NAV2: variants seen among roughly 807,000 people sequenced by gnomAD.
The protein encoded by NAV2 is helicase, APC down-regulated 1.
NAV2 carries 54 observed loss-of-function variants against 223.2 expected under a neutral mutation model. The observed-to-expected ratio is 0.24, with a 90% CI of 0.19 to 0.30. The LOEUF (loss-of-function observed/expected upper bound fraction) is 0.30, where lower values mean the gene tolerates loss of function less well. NAV2 is among the 10% of genes least tolerant of loss of function. NAV2 has a pLI of 1.00. For synonymous variants in NAV2, 1,279 were observed against 1,239.3 expected, an observed-to-expected ratio of 1.03 and a Z score of -0.67; for missense variants, 2,806 against 3,147.5, an observed-to-expected ratio of 0.89 and a Z score of 2.60.
intron 1 of NAV2, among the ~76,000 whole-genome samples, chr11:19,530,344 T>C (rs12278581): frequency 0.024 from 3,708 of 152,322 alleles, 156 homozygotes; most frequent in African/African-American, 0.084. Context: ...AGGCAGGGAC[T>C]GAGCTCTGTC....
chr11:19,767,789 A>C (rs145204093), intron 1 of NAV2, among the ~76,000 whole-genome samples: 64 of 152,358 alleles, frequency 4.2e-4, no homozygotes, highest in African/African-American at 1.4e-3. Context: ...ACTTGAATTC[A>C]AGCAGCTTGT....
At chr11:19,901,024 T>A (rs928170879) in intron 6 of NAV2, among the ~76,000 whole-genome samples, 3 of 152,198 alleles carry the variant, frequency 2.0e-5, no homozygotes, top group Admixed American at 6.5e-5. Flanking sequence ...TTTTGCATAA[T>A]CCAATTAAAA....
chr11:19,602,216 TGCCCAG>T (rs1198443601), intron 1 of NAV2, among the ~76,000 whole-genome samples: 5 of 150,390 alleles, frequency 3.3e-5, no homozygotes, highest in Admixed American at 6.6e-5. Context: ...CTCGCTCTGT[TGCCCAG>T]GCTGGAATGC....
rs2045847936 is a variant in NAV2, at chr11:19,585,015, A to C, written c.75+233988A>C. Among the ~76,000 whole-genome samples, 3 of 152,104 alleles carry C rather than the reference A, an allele frequency of 2.0e-5. No homozygotes were observed. In the South Asian group the frequency reaches 6.2e-4, roughly 32 times the overall value. ...CCCATTATTATTGTGTGGGAGTCTA[A>C]GTCTCTTTGTAGGTCTCTAAGGACT... On this transcript the variant is annotated intron_variant, in intron 1 of 37. Coordinates refer to the NAV2 transcript ENST00000360655.
rs77270921 is a variant in NAV2 at position 19,891,406 on chromosome 11, A to G, written c.771-1028A>G. 5.5e-4 allele frequency among the ~76,000 whole-genome samples: 84 copies of G among 152,308 alleles called. 1 individual carries two copies. The highest frequency in any genetic ancestry group is 5.2e-3 in the South Asian group (25 of 4,816). ...CCTGGACCAAAATCCTGATTTGAGG[A>G]GTCTTACCATTAACTCTTTGGTGAA... On this transcript the variant is annotated intron_variant, in intron 5 of 37. Transcript: ENST00000349880.
intron 26 of NAV2, 30 bp from the exon 27 acceptor site, chr11:20,090,835 C>T (rs778442335): frequency 6.2e-6 from 10 of 1,609,826 alleles, no homozygotes; most frequent in Non-Finnish European, 8.5e-6. Context: ...AAAGGAGCTG[C>T]TTTCATCAGT....
At chr11:19,646,908 C>T (rs1165194897) in intron 1 of NAV2, among the ~76,000 whole-genome samples, 4 of 152,174 alleles carry the variant, frequency 2.6e-5, no homozygotes, top group African/African-American at 9.7e-5. Flanking sequence ...ACCCATCTCT[C>T]TTCAGGCACT....
At chr11:19,638,935 G>A (rs935566873) in intron 1 of NAV2, among the ~76,000 whole-genome samples, 4 of 152,232 alleles carry the variant, frequency 2.6e-5, no homozygotes, top group African/African-American at 7.2e-5. Context: ...AGAGGTTGCG[G>A]TGAGCTGAGA....
At chr11:19,714,352 A>G in intron 1 of NAV2, 1 of 484,106 alleles carries the variant, frequency 2.1e-6, no homozygotes, top group South Asian at 1.5e-5. Context: ...GCGGTTCCGC[A>G]GAGATTCTGT....
intron 24 of NAV2, among the ~76,000 whole-genome samples, chr11:20,078,717 G>A (rs562795291): frequency 3.3e-5 from 5 of 152,242 alleles, no homozygotes; most frequent in African/African-American, 9.6e-5. Flanking sequence ...CTCGGCCTCC[G>A]AAAGTGCTAG....
chr11:20,096,430 A>G (rs1350830543), intron 30 of NAV2, among the ~76,000 whole-genome samples: 2 of 152,220 alleles, frequency 1.3e-5, no homozygotes, highest in Non-Finnish European at 2.9e-5. Context: ...AACAACTATA[A>G]GGGCTCATTA....
chr11:19,519,319 C>A (rs1256222927), intron 1 of NAV2, among the ~76,000 whole-genome samples: 1 of 152,110 alleles, frequency 6.6e-6, no homozygotes, highest in African/African-American at 2.4e-5. Context: ...TGCCTTCATG[C>A]AGCATGGGCT....
At chr11:19,786,584 A>T (rs909410481) in intron 1 of NAV2, among the ~76,000 whole-genome samples, 1 of 152,146 alleles carries the variant, frequency 6.6e-6, no homozygotes, top group African/African-American at 2.4e-5. Context: ...ACCCCATAAG[A>T]GTACTGATTT....
rs2058342551 is a variant in NAV2, at chr11:20,056,007, T to A, written c.4831+50T>A. The A allele has an allele frequency of 1.9e-6, 3 of 1,547,252 alleles. No homozygotes were observed. The African/African-American group carries it at 4.1e-5, about 21-fold the overall frequency. The stretch of plus-strand genomic sequence containing the variant: ...AGGAAGGAAACTTCCATCTCCCAGG[T>A]TACTCAGTGTAGTTAAGGGTCCTCT... On this transcript the variant is annotated intron_variant, in intron 19 of 37. Coordinates refer to ENST00000349880, the MANE Select transcript of NAV2 (RefSeq NM_145117.5).
At chr11:19,973,769 G>A (rs975603644) in intron 10 of NAV2, among the ~76,000 whole-genome samples, 2 of 152,208 alleles carry the variant, frequency 1.3e-5, no homozygotes, top group Non-Finnish European at 2.9e-5. Context: ...TGACAACGTA[G>A]AAGGCTTTTC....
chr11:19,617,284 G>T (rs1264411597), intron 1 of NAV2, among the ~76,000 whole-genome samples: 1 of 152,174 alleles, frequency 6.6e-6, no homozygotes, highest in Non-Finnish European at 1.5e-5. Flanking sequence ...CCCTAGTTAG[G>T]TGGGTGTTAG....
rs775190074 is a variant in NAV2, at chr11:19,934,257, G to A, written c.2013G>A (p.Thr671=). 2.8e-5 allele frequency: 45 copies of A among 1,600,492 alleles called. 1 individual carries two copies. Among genetic ancestry groups the A allele is most frequent in the South Asian group, 6.8e-5 (6 of 88,712 alleles). The stretch of plus-strand genomic sequence containing the variant: ...AATACAACCATCCCAACACTGCCAC[G>A]GTTGCACCTTTCCTGTACAGGTAGG... The part of the protein sequence containing the change: ...QQQYNHPNTA[T]VAPFLYRSQT... The change falls in exon 7 of 38, where the codon ACG becomes ACA. Residue 671 remains threonine, a synonymous_variant. Coordinates refer to ENST00000349880, the MANE Select transcript of NAV2 (RefSeq NM_145117.5).
intron 1 of NAV2, among the ~76,000 whole-genome samples, chr11:19,629,624 C>T (rs1261026739): frequency 6.6e-6 from 1 of 151,954 alleles, no homozygotes; most frequent in East Asian, 1.9e-4. Context: ...CTCCCACTCC[C>T]CCTCCCATCT....
intron 1 of NAV2, among the ~76,000 whole-genome samples, chr11:19,512,472 T>C (rs1260124447): frequency 6.6e-6 from 1 of 152,078 alleles, no homozygotes; most frequent in Non-Finnish European, 1.5e-5. Flanking sequence ...AGAGGGAGGC[T>C]AGATGACGGG....
Sources: allele counts gnomAD v4.1 joint callset (sites outside exome capture counted in the v4.1 genomes callset), GRCh38; gene constraint gnomAD v4.1.1; transcripts MANE v1.5; gene names NCBI Gene and HGNC (gene_info 2026-07-23, HGNC 2026-07-21).